SLC26A4: variants seen among roughly 807,000 people sequenced by gnomAD.
SLC26A4 encodes the protein solute carrier family 26 member 4, also known as pendrin.
A neutral mutation model predicts 90.4 loss-of-function variants in SLC26A4; 93 were observed. That is an observed-to-expected ratio of 1.03 (90% confidence interval 0.87 to 1.22). The LOEUF is 1.22. Among genes scored for constraint, SLC26A4 ranks in the 50% most tolerant of loss-of-function variants. The pLI is 0.00. For missense variants in SLC26A4, 1,127 were observed against 946.2 expected (o/e 1.19, Z -2.51); for synonymous variants, 393 against 354.6 (o/e 1.11, Z -1.22).
rs1205248018 is a variant in SLC26A4, at chr7:107,671,012, T to C, written c.305-1126T>C. Among the ~76,000 whole-genome samples, 11 of 152,162 alleles carry C rather than the reference T, an allele frequency of 7.2e-5. 1 individual carries two copies. Among genetic ancestry groups the C allele is most frequent in the Admixed American group, 7.2e-4 (11 of 15,268 alleles). ...TGCTGAGTATAATTATCATATTTTT[T>C]CTTTGGGTCTAACTTTTCTTCCCCA... On this transcript the variant is annotated intron_variant, in intron 3 of 20. Transcript: ENST00000644269.
chr7:107,698,002 C>T, intron 13 of SLC26A4, 40 bp from the exon 14 acceptor site: 12 of 1,294,286 alleles, frequency 9.3e-6, no homozygotes, highest in Non-Finnish European at 1.4e-5. Flanking sequence ...CAAAATACGG[C>T]TGTTCCAAAA....
intron 18 of SLC26A4, 151 bp downstream of exon 18, chr7:107,704,536 C>T: frequency 3.4e-6 from 2 of 585,562 alleles, no homozygotes; most frequent in Non-Finnish European, 3.1e-6. Flanking sequence ...GAATCTGGCA[C>T]TGCTTCATTC....
rs201709908 is a variant in SLC26A4 at position 107,701,189 on chromosome 7, C to T, written c.1796C>T (p.Ala599Val). The change falls in exon 16 of 21, where the codon GCA becomes GTA. Residue 599 changes from alanine to valine, a missense_variant. Ala to Val is a moderately conservative substitution (Grantham distance 64, BLOSUM62 0). Transcript: ENST00000644269. ...CTAATAAAAAGTGGACAATTAAGAGCAACAAAGGTGAGATGACATCTTTCT... is the reference window on the plus strand; with the variant it reads ...CTAATAAAAAGTGGACAATTAAGAGTAACAAAGGTGAGATGACATCTTTCT... ...QKLIKSGQLR[A>V]TKNGIISDAV... 146 of 1,591,622 alleles carry T rather than the reference C, an allele frequency of 9.2e-5. No homozygotes were observed. Among genetic ancestry groups the T allele is most frequent in the Non-Finnish European group, 6.9e-6 (8 of 1,159,790 alleles).
intron 10 of SLC26A4, among the ~76,000 whole-genome samples, chr7:107,692,432 G>T (rs1279514039): frequency 6.6e-6 from 1 of 152,144 alleles, no homozygotes; most frequent in Non-Finnish European, 1.5e-5. Context: ...ATTTCACAGG[G>T]ATATTGTGAG....
In SLC26A4 at chr7:107,670,536, A is replaced by G. The variant is rs1190763482; in HGVS notation, c.305-1602A>G. ...CTCACTTTTTTCCCTCTTACTTCAC[A>G]TCTCTCCACGTTACTGAATGTACTT... is the stretch of plus-strand genomic sequence containing the variant. On this transcript the variant is annotated intron_variant, in intron 3 of 20. Coordinates refer to ENST00000644269, the MANE Select transcript of SLC26A4 (RefSeq NM_000441.2). Among the ~76,000 whole-genome samples, 4 of 151,892 alleles carry G rather than the reference A, an allele frequency of 2.6e-5. 1 individual carries two copies. The highest frequency in any genetic ancestry group is 1.3e-4 in the Admixed American group (2 of 15,254).
intron 6 of SLC26A4, among the ~76,000 whole-genome samples, chr7:107,680,313 A>T (rs1320343047): frequency 1.5e-5 from 2 of 135,600 alleles, no homozygotes; most frequent in African/African-American, 5.5e-5. Context: ...ATAATCTTAT[A>T]TTATTATATA....
In SLC26A4 at chr7:107,672,203, A is replaced by G. The variant is rs761870081; in HGVS notation, c.370A>G (p.Ile124Val). The change falls in exon 4 of 21, where the codon ATC becomes GTC. Residue 124 changes from isoleucine (I) to valine (V), a missense_variant. Ile to Val is a conservative substitution (Grantham distance 29, BLOSUM62 3). Transcript: ENST00000644269. ...TGGTCTCTACTCTGCTTTTTTCCCTATCCTGACATACTTTATCTTTGGAAC... is the reference window on the plus strand; with the variant it reads ...TGGTCTCTACTCTGCTTTTTTCCCTGTCCTGACATACTTTATCTTTGGAAC... The part of the protein sequence containing the change: ...GYGLYSAFFP[I>V]LTYFIFGTSR... 1.2e-6 allele frequency: 2 copies of G among 1,611,750 alleles called. No individual in the cohort carries two copies. The highest frequency in any genetic ancestry group is 2.7e-5 in the African/African-American group (2 of 74,806).
rs1389612372 is a variant in SLC26A4 at position 107,715,426 on chromosome 7, A to G, written c.2323A>G (p.Met775Val). Residue 775 changes from methionine (M) to valine (V), a missense_variant, in exon 21 of 21, where the codon ATG (methionine) becomes GTG (valine). Transcript: ENST00000644269. ...EEELDVQDEA[M>V]RTLAS ...TGTTTTCCCCTTGCTTCCACAGGCT[A>G]TGCGTACACTTGCATCCTGAAAGTG... 31 of 1,613,422 alleles carry G rather than the reference A, an allele frequency of 1.9e-5. No homozygotes were observed. The highest frequency in any genetic ancestry group is 2.6e-5 in the Non-Finnish European group (31 of 1,179,342).
intron 8 of SLC26A4, among the ~76,000 whole-genome samples, chr7:107,685,321 A>G (rs2129314900): frequency 6.6e-6 from 1 of 152,302 alleles, no homozygotes; most frequent in Non-Finnish European, 1.5e-5. Context: ...TGATGATATT[A>G]ACAAACCTGA....
At chr7:107,715,342 A>G (rs1298527089) in intron 20 of SLC26A4, 81 bp from the exon 21 acceptor site, 1 of 1,133,710 alleles carries the variant, frequency 8.8e-7, no homozygotes, top group African/African-American at 1.5e-5. Flanking sequence ...AATACTATAA[A>G]AACATATTTA....
chr7:107,692,226 G>A, intron 10 of SLC26A4: 2 of 499,832 alleles, frequency 4.0e-6, no homozygotes, highest in Non-Finnish European at 3.0e-6. Flanking sequence ...AATGAAACGA[G>A]TAAAGAAATG....
Position 107,690,225 on chromosome 7 carries a change from A to C in SLC26A4, c.1251A>C (p.Gly417=). 6.3e-7 allele frequency: 1 copy of C among 1,595,096 alleles called. No individual in the cohort carries two copies. The change falls in exon 10 of 21, where the codon GGA becomes GGC. Residue 417 remains glycine (G), a synonymous_variant. Coordinates refer to ENST00000644269, the MANE Select transcript of SLC26A4 (RefSeq NM_000441.2). ...GCACGGCCGTCCAGGAGAGCACTGG[A>C]GGAAAGACACAGGTAGGAACAACAG... The part of the protein sequence containing the change: ...LSRTAVQEST[G]GKTQVAGIIS...
In SLC26A4 at chr7:107,710,123, T is replaced by C. The variant is rs1363816598; in HGVS notation, c.2159T>C (p.Leu720Ser). ...DDNIRKDTFF[L>S]TVHDAILYLQ... ...AACATTAGAAAGGACACATTCTTTT[T>C]GACGGTCCATGATGCTATACTCTAT... The change falls in exon 19 of 21, where the codon TTG (leucine) becomes TCG (serine). Residue 720 changes from leucine to serine, a missense_variant. Physicochemically the swap from Leu to Ser is moderately radical, Grantham distance 145. Transcript: ENST00000644269. 6 of 1,609,192 alleles carry C rather than the reference T, an allele frequency of 3.7e-6. No individual in the cohort carries two copies. The highest frequency in any genetic ancestry group is 5.1e-6 in the Non-Finnish European group (6 of 1,175,630).
chr7:107,691,825 C>A, intron 10 of SLC26A4: 1 of 1,071,416 alleles, frequency 9.3e-7, no homozygotes, highest in Admixed American at 4.8e-5. Context: ...TAAAATAATA[C>A]AGCTCATATC....
At position 107,694,686 on chromosome 7, in the gene SLC26A4, T is replaced by G; in HGVS notation, c.1407T>G (p.Pro469=). The change falls in exon 12 of 21, where the codon CCT becomes CCG. Residue 469 remains proline, a synonymous_variant. Transcript: ENST00000644269. ...TGTTTATGCAGCTGTGTGACATTCC[T>G]CGTCTGTGGAGACAGAATAAGATTG... ...KGMFMQLCDI[P]RLWRQNKIDA... is the part of the protein sequence containing the mutation. 1.2e-6 allele frequency: 2 copies of G among 1,613,338 alleles called. No individual in the cohort carries two copies. The highest frequency in any genetic ancestry group is 2.2e-5 in the South Asian group (2 of 91,080).
intron 6 of SLC26A4, among the ~76,000 whole-genome samples, chr7:107,676,759 G>A (rs559007639): frequency 2.0e-5 from 3 of 152,184 alleles, no homozygotes; most frequent in South Asian, 2.1e-4. Context: ...ATTTTATAAC[G>A]GTGCCATAAT....
intron 6 of SLC26A4, among the ~76,000 whole-genome samples, chr7:107,676,351 G>A (rs1791023955): frequency 6.6e-6 from 1 of 152,124 alleles, no homozygotes; most frequent in South Asian, 2.1e-4. Flanking sequence ...TGAAATGATT[G>A]GAGATGTATC....
At chr7:107,677,202 A>G (rs544822519) in intron 6 of SLC26A4, among the ~76,000 whole-genome samples, 2 of 152,196 alleles carry the variant, frequency 1.3e-5, no homozygotes, top group South Asian at 4.2e-4. Context: ...GCAACAACAA[A>G]CAAAAAACCA....
At chr7:107,674,893 G>C (rs1031199535) in intron 5 of SLC26A4, 52 bp from the exon 6 acceptor site, 33 of 1,544,048 alleles carry the variant, frequency 2.1e-5, no homozygotes, top group Non-Finnish European at 2.8e-5. Flanking sequence ...CCAGAGAGTA[G>C]GTTTCTATCT....
Sources: gnomAD v4.1 joint callset for allele counts (sites outside exome capture counted in the v4.1 genomes callset) on GRCh38, gnomAD v4.1.1 for gene constraint, MANE v1.5 for transcripts, NCBI Gene and HGNC (gene_info 2026-07-23, HGNC 2026-07-21) for gene names.